Variants in ZNF239 observed in about 807,000 individuals in gnomAD.
ZNF239 encodes the protein zinc finger protein 239.
In ZNF239, 16 loss-of-function variants were observed where a neutral mutation model predicts 27.5. That is an observed-to-expected ratio of 0.58 (90% CI 0.39 to 0.88). The LOEUF (loss-of-function observed/expected upper bound fraction) is 0.88. Among genes scored for constraint, ZNF239 ranks in the 40% least tolerant of loss-of-function variants. The pLI is 0.00. For missense variants in ZNF239, 527 were observed against 551.9 expected, an observed-to-expected ratio of 0.95 and a Z score of 0.45; for synonymous variants, 199 against 192.6, an observed-to-expected ratio of 1.03 and a Z score of -0.27.
At chr10:43,564,573 A>T (rs2132270428) in intron 3 of ZNF239, among the ~76,000 whole-genome samples, 1 of 152,214 alleles carries the variant, frequency 6.6e-6, no homozygotes, top group South Asian at 2.1e-4. Flanking sequence ...ACAGGGTCTC[A>T]CTCTGTTGCC....
At chr10:43,573,202 AT>A (rs1307023657) in intron 2 of ZNF239, among the ~76,000 whole-genome samples, 1 of 152,098 alleles carries the variant, frequency 6.6e-6, no homozygotes, top group African/African-American at 2.4e-5. Context: ...ATTAATATGC[AT>A]TTTTTTGTGT....
At chr10:43,570,107 G>A (rs1173811936) in intron 2 of ZNF239, 2 of 915,228 alleles carry the variant, frequency 2.2e-6, no homozygotes, top group African/African-American at 3.6e-5. Context: ...GCCAGCTTTG[G>A]CCTGAGGCTA....
intron 3 of ZNF239, chr10:43,564,184 G>T: frequency 1.9e-6 from 1 of 528,590 alleles, no homozygotes; most frequent in Non-Finnish European, 2.4e-6. Context: ...CCAGTTTAAT[G>T]TCACTTCAGA....
chr10:43,573,151 G>C (rs1440845112), intron 2 of ZNF239, among the ~76,000 whole-genome samples: 1 of 152,124 alleles, frequency 6.6e-6, no homozygotes, highest in African/African-American at 2.4e-5. Context: ...GCCATTTAAC[G>C]AATTTCCTCG....
At chr10:43,559,083 TAAAG>T (rs1408833040) in intron 3 of ZNF239, among the ~76,000 whole-genome samples, 1 of 152,068 alleles carries the variant, frequency 6.6e-6, no homozygotes, top group Non-Finnish European at 1.5e-5. Flanking sequence ...TATGACATGT[TAAAG>T]AAAACTACAA....
chr10:43,557,962 T>C lies in ZNF239; in HGVS notation c.118A>G (p.Ile40Val). The C allele has an allele frequency of 6.2e-7, 1 of 1,614,158 alleles. No homozygotes were observed. Among genetic ancestry groups the C allele is most frequent in the Non-Finnish European group, 8.5e-7 (1 of 1,180,010 alleles). Residue 40 changes from isoleucine (I) to valine (V), a missense_variant, in exon 4 of 4, where the codon ATT (isoleucine) becomes GTT (valine). By Grantham distance (29) the Ile-to-Val change is conservative. Transcript: ENST00000374446. ...ATCACACTGTCCCTGTTTCTGGAAA[T>C]AGGAGAAGATGCTTCTCCCCACTGT... ...CQQWGEASSP[I>V]SRNRDSVMTL...
chr10:43,562,202 A>C (rs2132255718), intron 3 of ZNF239, among the ~76,000 whole-genome samples: 1 of 152,350 alleles, frequency 6.6e-6, no homozygotes, highest in East Asian at 1.9e-4. Context: ...GTATATCACA[A>C]TACACTAAAT....
chr10:43,565,753 G>T (rs10793444), intron 3 of ZNF239, among the ~76,000 whole-genome samples: 142,209 of 147,392 alleles, frequency 0.96, 68,688 homozygotes, highest in East Asian at 1. Flanking sequence ...AGGCGGAGGT[G>T]GCAGTGAGCC....
chr10:43,566,843 A>G (rs1382336818), intron 3 of ZNF239, among the ~76,000 whole-genome samples: 1 of 152,254 alleles, frequency 6.6e-6, no homozygotes, highest in African/African-American at 2.4e-5. Context: ...ATTTTCAGTT[A>G]AAATTACTAA....
intron 2 of ZNF239, 25 bp downstream of exon 2, chr10:43,573,612 T>C: frequency 1.0e-6 from 1 of 985,344 alleles, no homozygotes; most frequent in African/African-American, 1.7e-5. Flanking sequence ...GATGGCATTT[T>C]AGGAGAAATG....
chr10:43,556,506 G>GA lies in ZNF239; in HGVS notation c.*196dup, dbSNP rs1163595540. ...TTTACTCTACCCATCTGAGAAACAA[G>GA]AACAATCCATTCATTGTACAGCATA... On this transcript the variant is annotated 3_prime_UTR_variant, in exon 4 of 4. Transcript: ENST00000374446. 1.5e-5 allele frequency: 10 copies of GA among 669,022 alleles called. No individual in the cohort carries two copies. The Admixed American group carries it at 2.7e-4, about 18-fold the overall frequency. The allele number at this position is 669,022 out of a possible 1,614,324, so 41.4% of individuals were successfully genotyped here.
At chr10:43,566,175 C>T (rs1837634977) in intron 3 of ZNF239, among the ~76,000 whole-genome samples, 1 of 152,120 alleles carries the variant, frequency 6.6e-6, no homozygotes, top group South Asian at 2.1e-4. Flanking sequence ...CTTTACTCCC[C>T]AGGATTAGCT....
At position 43,556,431 on chromosome 10, in the gene ZNF239, C is replaced by T. The variant is rs965999183; in HGVS notation, c.*272G>A. 10 of 370,496 alleles carry T rather than the reference C, an allele frequency of 2.7e-5. No individual in the cohort carries two copies. Among genetic ancestry groups the T allele is most frequent in the East Asian group, 2.1e-4 (5 of 23,342 alleles). The allele number at this position is 370,496 out of a possible 1,614,324, so 23.0% of individuals were successfully genotyped here. A position where few individuals can be genotyped will look rare whatever the true frequency, so the allele number is the denominator to read the frequency against. On this transcript the variant is annotated 3_prime_UTR_variant, in exon 4 of 4. Transcript: ENST00000374446. ...TTGAGAATAAATATAAAGTTCTTGC[C>T]GTTAAAATGCTGGGTAGAACATGTA...
At chr10:43,569,321 C>T (rs1183238727) in intron 2 of ZNF239, among the ~76,000 whole-genome samples, 1 of 152,184 alleles carries the variant, frequency 6.6e-6, no homozygotes, top group Non-Finnish European at 1.5e-5. Flanking sequence ...TACTCCTGCT[C>T]CCCCAAACAT....
rs561087988 is a variant in ZNF239, at chr10:43,570,561, C to T, written c.-215-2540G>A. 204 of 984,942 alleles carry T rather than the reference C, an allele frequency of 2.1e-4. 1 individual carries two copies. In the African/African-American group the frequency reaches 3.4e-3, roughly 16 times the overall value. 61.0% of individuals were successfully genotyped at this position (984,942 alleles called of 1,614,324 possible). On this transcript the variant is annotated intron_variant, in intron 2 of 3. Transcript: ENST00000374446. ...AAGCCCACCAATTATCTTTTCTCTC[C>T]CTTATTTTTTTATCCGTCTTCCATT...
intron 3 of ZNF239, among the ~76,000 whole-genome samples, chr10:43,566,348 G>A (rs1242862493): frequency 2.6e-5 from 4 of 151,814 alleles, no homozygotes; most frequent in Non-Finnish European, 5.9e-5. Flanking sequence ...GTGCAGTAGT[G>A]TCATCTCGGC....
chr10:43,564,290 G>A (rs934632857), intron 3 of ZNF239: 1 of 984,000 alleles, frequency 1.0e-6, no homozygotes, highest in Non-Finnish European at 1.2e-6. Flanking sequence ...TGACCGTATA[G>A]TAACACTCCA....
At chr10:43,558,365 T>G (rs1035367442) in intron 3 of ZNF239, among the ~76,000 whole-genome samples, 194 bp from the exon 4 acceptor site, 1 of 152,244 alleles carries the variant, frequency 6.6e-6, no homozygotes, top group African/African-American at 2.4e-5. Context: ...CTTTTAAGCA[T>G]AGCCAAGGAA....
Position 43,557,588 on chromosome 10 carries a change from C to G in ZNF239, c.492G>C (p.Val164=). The G allele has an allele frequency of 6.2e-7, 1 of 1,614,138 alleles. No individual in the cohort carries two copies. The highest frequency in any genetic ancestry group is 1.1e-5 in the South Asian group (1 of 91,086). Residue 164 remains valine, a synonymous_variant, in exon 4 of 4, where the codon GTG becomes GTC. Transcript: ENST00000374446. ...CKDIHGWKSQ[V]VSCSQQRAHT... The stretch of plus-strand genomic sequence containing the variant: ...GAGCTCTCTGCTGACTACAACTGAC[C>G]ACCTGTGATTTCCATCCATGAATGT...
Sources: allele counts gnomAD v4.1 joint callset (sites outside exome capture counted in the v4.1 genomes callset), GRCh38; gene constraint gnomAD v4.1.1; transcripts MANE v1.5; gene names NCBI Gene and HGNC (gene_info 2026-07-23, HGNC 2026-07-21).